TLR9: variants seen among roughly 807,000 people sequenced by gnomAD.
TLR9 encodes toll like receptor 9.
A neutral mutation model predicts 24.6 loss-of-function variants in TLR9; 19 were observed. The ratio of observed to expected loss-of-function variants is 0.77; its 90% CI spans 0.54 to 1.13. The LOEUF is 1.13. TLR9 is among the 50% of genes most tolerant of loss of function. The pLI is 0.00. For synonymous variants in TLR9, 579 were observed against 609.8 expected (o/e 0.95, Z 0.74); for missense variants, 1,065 against 1,379.6 (o/e 0.77, Z 3.61).
rs374354848 is a variant in TLR9, at chr3:52,223,281, G to A, written c.1035C>T (p.Tyr345=). 1.2e-6 allele frequency: 2 copies of A among 1,614,106 alleles called. No individual in the cohort carries two copies. The highest frequency in any genetic ancestry group is 1.7e-6 in the Non-Finnish European group (2 of 1,180,044). The change falls in exon 2 of 2, where the codon TAC becomes TAT. Residue 345 remains tyrosine (Y), a synonymous_variant. Coordinates refer to ENST00000360658, the MANE Select transcript of TLR9 (RefSeq NM_017442.4). The stretch of plus-strand genomic sequence containing the variant: ...GGTGGGCAAAGGACACCCTCTTTTG[G>A]TAATTGAAGGACAGGTTAAGCTTGC... ...QLRKLNLSFN[Y]QKRVSFAHLS...
At position 52,225,585 on chromosome 3, in the gene TLR9, C is replaced by T. The variant is rs1269616541; in HGVS notation, c.-56G>A. The T allele has an allele frequency of 6.4e-7, 1 of 1,572,122 alleles. No homozygotes were observed. Among genetic ancestry groups the T allele is most frequent in the African/African-American group, 1.4e-5 (1 of 71,206 alleles). ...TGGCGGGCAGACTGGACAGCAGCTA[C>T]AGGGAAGGATGCTTCACACTCGAGG... is the stretch of plus-strand genomic sequence containing the variant. On this transcript the variant is annotated 5_prime_UTR_variant, in exon 1 of 2. Transcript: ENST00000360658.
Position 52,222,400 on chromosome 3 carries a change from C to T in TLR9, c.1916G>A (p.Arg639His), listed in dbSNP as rs771867596. ...GGTTTGGGGCAGGAGGGTGTGCAGG[C>T]GGTTCTGGGACAAGTCCAGCCAGAT... The part of the protein sequence containing the change: ...GLIWLDLSQN[R>H]LHTLLPQTLR... Residue 639 changes from arginine (R) to histidine (H), a missense_variant, in exon 2 of 2, where the codon CGC (arginine) becomes CAC (histidine). Physicochemically the swap from Arg to His is conservative, Grantham distance 29. Coordinates refer to ENST00000360658, the MANE Select transcript of TLR9 (RefSeq NM_017442.4). 17 of 1,614,176 alleles carry T rather than the reference C, an allele frequency of 1.1e-5. No individual in the cohort carries two copies. The East Asian group carries it at 1.6e-4, about 15-fold the overall frequency.
Position 52,224,303 on chromosome 3 carries a change from G to C in TLR9, c.13C>G (p.Arg5Gly). 1 of 1,578,898 alleles carries C rather than the reference G, an allele frequency of 6.3e-7. No homozygotes were observed. The highest frequency in any genetic ancestry group is 8.6e-7 in the Non-Finnish European group (1 of 1,162,734). Reference sequence around the variant, plus strand: ...AGAGACAGCGGGTGCAGGGCGCTGCGGCAGAAACCCTGTGGGGGTGGGAGG... The same window carrying C: ...AGAGACAGCGGGTGCAGGGCGCTGCCGCAGAAACCCTGTGGGGGTGGGAGG... Reference protein sequence around the residue: MGFCRSALHPLSLLV... With the variant: MGFCGSALHPLSLLV... Residue 5 changes from arginine (R) to glycine (G), a missense_variant, in exon 2 of 2, where the codon CGC (arginine) becomes GGC (glycine). By Grantham distance (125) the Arg-to-Gly change is moderately radical. Coordinates refer to ENST00000360658, the MANE Select transcript of TLR9 (RefSeq NM_017442.4).
chr3:52,222,129 C>T lies in TLR9; in HGVS notation c.2187G>A (p.Glu729=). The change falls in exon 2 of 2, where the codon GAG becomes GAA. Residue 729 remains glutamate, a synonymous_variant. Transcript: ENST00000360658. ...TGAGGGCGTTGGCGCTAAGGTTGAG[C>T]TCTCGCAGCTCCTTGGCCTTGGAAA... is the stretch of plus-strand genomic sequence containing the variant. The part of the protein sequence containing the change: ...GFFSKAKELR[E]LNLSANALKT... The T allele has an allele frequency of 1.9e-6, 3 of 1,612,264 alleles. No individual in the cohort carries two copies. The highest frequency in any genetic ancestry group is 2.5e-6 in the Non-Finnish European group (3 of 1,179,096).
chr3:52,222,032 G>C lies in TLR9; in HGVS notation c.2284C>G (p.Leu762Val). 2.5e-6 allele frequency: 4 copies of C among 1,612,072 alleles called. No homozygotes were observed. Among genetic ancestry groups the C allele is most frequent in the Non-Finnish European group, 2.5e-6 (3 of 1,179,070 alleles). Residue 762 changes from leucine (L) to valine (V), a missense_variant, in exon 2 of 2, where the codon CTG (leucine) becomes GTG (valine). Leu to Val is a conservative substitution (Grantham distance 32). Transcript: ENST00000360658. ...AAGGCCGCCCCACAGGCGCAGTGCA[G>C]AGGGTTGGCGCTTACATCTAGTATT... ...LQILDVSANP[L>V]HCACGAAFMD...
Position 52,223,587 on chromosome 3 carries a change from C to A in TLR9, c.729G>T (p.Leu243=). ...VKLAPEDLAN[L]TALRVLDVGG... is the part of the protein sequence containing the mutation. ...CCACATCGAGCACACGCAGGGCGGTCAGATTGGCCAGGTCCTCAGGCGCCA... is the reference window on the plus strand; with the variant it reads ...CCACATCGAGCACACGCAGGGCGGTAAGATTGGCCAGGTCCTCAGGCGCCA... The change falls in exon 2 of 2, where the codon CTG becomes CTT. Residue 243 remains leucine, a synonymous_variant. Coordinates refer to ENST00000360658, the MANE Select transcript of TLR9 (RefSeq NM_017442.4). 1.3e-6 allele frequency: 2 copies of A among 1,539,980 alleles called. No homozygotes were observed. Among genetic ancestry groups the A allele is most frequent in the South Asian group, 1.3e-5 (1 of 78,614 alleles).
rs1699552836 is a variant in TLR9, at chr3:52,221,496, CG to C, written c.2819del (p.Thr940ArgfsTer30). ...CGCGCAAGAGACCACTGACCCGGTC[CG>C]TGTGGGCCAGCACAAACAGCGTCTT... The part of the protein sequence containing the change: ...SRKTLFVLAH[T>X]DRVSGLLRAS... On this transcript the variant is annotated frameshift_variant, in exon 2 of 2. Transcript: ENST00000360658. LOFTEE classifies it high-confidence loss of function. This position sits in a 1 kb window ranked among gnomAD's most constrained non-coding sequence, Gnocchi z 9.9. The C allele has an allele frequency of 6.2e-7, 1 of 1,612,840 alleles. No individual in the cohort carries two copies. The highest frequency in any genetic ancestry group is 8.5e-7 in the Non-Finnish European group (1 of 1,179,760).
At position 52,223,797 on chromosome 3, in the gene TLR9, G is replaced by C; in HGVS notation, c.519C>G (p.Phe173Leu). Reference sequence around the variant, plus strand: ...TCTTGTAATAACAGTTGCCGTCCATGAATAGGAAGCGCAGGGCATGCAGGC... The same window carrying C: ...TCTTGTAATAACAGTTGCCGTCCATCAATAGGAAGCGCAGGGCATGCAGGC... The part of the protein sequence containing the change: ...LAGLHALRFL[F>L]MDGNCYYKNP... The change falls in exon 2 of 2, where the codon TTC becomes TTG. Residue 173 changes from phenylalanine to leucine, a missense_variant. Phe to Leu is a conservative substitution (Grantham distance 22). Coordinates refer to ENST00000360658, the MANE Select transcript of TLR9 (RefSeq NM_017442.4). The C allele has an allele frequency of 6.3e-7, 1 of 1,592,364 alleles. No individual in the cohort carries two copies. Among genetic ancestry groups the C allele is most frequent in the Non-Finnish European group, 8.6e-7 (1 of 1,167,840 alleles).
In TLR9 at chr3:52,222,170, C is replaced by T. The variant is rs1479085302; in HGVS notation, c.2146G>A (p.Val716Met). Residue 716 changes from valine to methionine, a missense_variant, in exon 2 of 2, where the codon GTG (valine) becomes ATG (methionine). Physicochemically the swap from Val to Met is conservative, Grantham distance 21. Transcript: ENST00000360658. ...LDVSCNSISF[V>M]APGFFSKAKE... ...GCCTTGGAAAAGAAGCCGGGGGCCA[C>T]GAAGCTGATGCTGTTGCAGCTGACA... 6.2e-6 allele frequency: 10 copies of T among 1,613,864 alleles called. No homozygotes were observed. The highest frequency in any genetic ancestry group is 3.3e-5 in the Admixed American group (2 of 60,006).
At position 52,222,579 on chromosome 3, in the gene TLR9, G is replaced by A; in HGVS notation, c.1737C>T (p.His579=). The change falls in exon 2 of 2, where the codon CAC becomes CAT. Residue 579 remains histidine (H), a synonymous_variant. Coordinates refer to ENST00000360658, the MANE Select transcript of TLR9 (RefSeq NM_017442.4). ...SFVAHLRTLR[H]LSLAHNNIHS... ...GGATGTTGTTGTGGGCCAGGCTGAG[G>A]TGGCGCAGGGTGCGCAGGTGAGCCA... is the stretch of plus-strand genomic sequence containing the variant. 1 of 1,614,166 alleles carries A rather than the reference G, an allele frequency of 6.2e-7. No homozygotes were observed. Among genetic ancestry groups the A allele is most frequent in the Non-Finnish European group, 8.5e-7 (1 of 1,180,038 alleles).
Position 52,222,164 on chromosome 3 carries a change from G to T in TLR9, c.2152C>A (p.Pro718Thr). 1 of 1,613,836 alleles carries T rather than the reference G, an allele frequency of 6.2e-7. No individual in the cohort carries two copies. Among genetic ancestry groups the T allele is most frequent in the Non-Finnish European group, 8.5e-7 (1 of 1,179,908 alleles). The change falls in exon 2 of 2, where the codon CCC becomes ACC. Residue 718 changes from proline (P) to threonine (T), a missense_variant. By Grantham distance (38) the Pro-to-Thr change is conservative (BLOSUM62 -1). Coordinates refer to ENST00000360658, the MANE Select transcript of TLR9 (RefSeq NM_017442.4). ...TCCTTGGCCTTGGAAAAGAAGCCGG[G>T]GGCCACGAAGCTGATGCTGTTGCAG... ...VSCNSISFVA[P>T]GFFSKAKELR... is the part of the protein sequence containing the mutation.
rs760563131 is a variant in TLR9, at chr3:52,223,408, C to G, written c.908G>C (p.Trp303Ser). 5 of 1,612,982 alleles carry G rather than the reference C, an allele frequency of 3.1e-6. No individual in the cohort carries two copies. The highest frequency in any genetic ancestry group is 3.4e-6 in the Non-Finnish European group (4 of 1,179,376). ...DSSLSWLNAS[W>S]FRGLGNLRVL... ...TCGGAGGTTTCCCAGCCCACGGAAC[C>G]AACTGGCATTCAGCCAGGAGAGAGA... The change falls in exon 2 of 2, where the codon TGG becomes TCG. Residue 303 changes from tryptophan to serine, a missense_variant. Transcript: ENST00000360658.
In TLR9 at chr3:52,221,511, A is replaced by C. The variant is rs747584295; in HGVS notation, c.2805T>G (p.Phe935Leu). The C allele has an allele frequency of 6.2e-7, 1 of 1,613,132 alleles. No homozygotes were observed. Among genetic ancestry groups the C allele is most frequent in the Non-Finnish European group, 8.5e-7 (1 of 1,179,840 alleles). ...ASVYGSRKTLFVLAHTDRVSG... is the reference protein window; with the variant it reads ...ASVYGSRKTLLVLAHTDRVSG... Reference sequence around the variant, plus strand: ...TGACCCGGTCCGTGTGGGCCAGCACAAACAGCGTCTTGCGGCTGCCATAGA... The same window carrying C: ...TGACCCGGTCCGTGTGGGCCAGCACCAACAGCGTCTTGCGGCTGCCATAGA... The change falls in exon 2 of 2, where the codon TTT becomes TTG. Residue 935 changes from phenylalanine (F) to leucine (L), a missense_variant. By Grantham distance (22) the Phe-to-Leu change is conservative (BLOSUM62 0). Transcript: ENST00000360658. This position sits in a 1 kb window ranked among gnomAD's most constrained non-coding sequence, Gnocchi z 9.9.
chr3:52,225,344 A>C (rs1206403260), intron 1 of TLR9, among the ~76,000 whole-genome samples, 183 bp downstream of exon 1: 1 of 128,738 alleles, frequency 7.8e-6, no homozygotes, highest in African/African-American at 3.0e-5. Context: ...ACTCCGTCTC[A>C]AAAAAAAAAA....
rs201312874 is a variant in TLR9, at chr3:52,223,285, T to C, written c.1031A>G (p.Asn344Ser). The change falls in exon 2 of 2, where the codon AAT becomes AGT. Residue 344 changes from asparagine (N) to serine (S), a missense_variant. Transcript: ENST00000360658. ...TQLRKLNLSF[N>S]YQKRVSFAHL... The stretch of plus-strand genomic sequence containing the variant: ...GGCAAAGGACACCCTCTTTTGGTAA[T>C]TGAAGGACAGGTTAAGCTTGCGCAG... 5 of 1,614,154 alleles carry C rather than the reference T, an allele frequency of 3.1e-6. No homozygotes were observed. Among genetic ancestry groups the C allele is most frequent in the Non-Finnish European group, 4.2e-6 (5 of 1,180,014 alleles).
At position 52,222,958 on chromosome 3, in the gene TLR9, A is replaced by G; in HGVS notation, c.1358T>C (p.Leu453Pro). 6.3e-7 allele frequency: 1 copy of G among 1,596,808 alleles called. No individual in the cohort carries two copies. Among genetic ancestry groups the G allele is most frequent in the African/African-American group, 1.3e-5 (1 of 74,818 alleles). Residue 453 changes from leucine to proline, a missense_variant, in exon 2 of 2, where the codon CTT (leucine) becomes CCT (proline). Coordinates refer to ENST00000360658, the MANE Select transcript of TLR9 (RefSeq NM_017442.4). The part of the protein sequence containing the change: ...GEKVWLQPGD[L>P]APAPVDTPSS... ...GGGAGTGTCCACTGGGGCCGGAGCA[A>G]GGTCCCCAGGCTGCAGCCAGACCTT...
At position 52,221,376 on chromosome 3, in the gene TLR9, G is replaced by A. The variant is rs445676; in HGVS notation, c.2940C>T (p.Tyr980=). The change falls in exon 2 of 2, where the codon TAC becomes TAT. Residue 980 remains tyrosine (Y), a synonymous_variant. Coordinates refer to ENST00000360658, the MANE Select transcript of TLR9 (RefSeq NM_017442.4). The surrounding 1 kb of genome is among the most constrained non-coding windows in gnomAD (Gnocchi z 9.9). Reference sequence around the variant, plus strand: ...GGCAGAGGCGCTGGCGCAGCCGCACGTAGCGGGAGCGGCGGCCGTCAGGGC... The same window carrying A: ...GGCAGAGGCGCTGGCGCAGCCGCACATAGCGGGAGCGGCGGCCGTCAGGGC... ...ILSPDGRRSR[Y]VRLRQRLCRQ... is the part of the protein sequence containing the mutation. 0.015 allele frequency: 24,296 copies of A among 1,589,090 alleles called. 277 individuals are homozygous for A. Among genetic ancestry groups the A allele is most frequent in the Non-Finnish European group, 0.018 (21,169 of 1,165,254 alleles).
chr3:52,222,684 T>C lies in TLR9; in HGVS notation c.1632A>G (p.Leu544=). ...DLYHEHSFTE[L]PRLEALDLSY... ...TGAGGTCCAGGGCCTCCAGTCGCGG[T>C]AGCTCCGTGAATGAGTGCTCGTGGT... is the stretch of plus-strand genomic sequence containing the variant. The change falls in exon 2 of 2, where the codon CTA becomes CTG. Residue 544 remains leucine (L), a synonymous_variant. Transcript: ENST00000360658. 1 of 1,613,254 alleles carries C rather than the reference T, an allele frequency of 6.2e-7. No individual in the cohort carries two copies. The highest frequency in any genetic ancestry group is 8.5e-7 in the Non-Finnish European group (1 of 1,179,370).
Position 52,223,041 on chromosome 3 carries a change from G to A in TLR9, c.1275C>T (p.Asn425=). The part of the protein sequence containing the change: ...PGLRYVDLSD[N]RISGASELTA... ...TCAGCTCCGAAGCTCCGCTGATGCG[G>A]TTGTCCGACAGGTCCACGTAGCGCA... The change falls in exon 2 of 2, where the codon AAC becomes AAT. Residue 425 remains asparagine (N), a synonymous_variant. Transcript: ENST00000360658. 4 of 1,590,158 alleles carry A rather than the reference G, an allele frequency of 2.5e-6. No individual in the cohort carries two copies. The highest frequency in any genetic ancestry group is 2.6e-6 in the Non-Finnish European group (3 of 1,165,814).
Sources: gnomAD v4.1 joint callset for allele counts (sites outside exome capture counted in the v4.1 genomes callset) on GRCh38, gnomAD v4.1.1 for gene constraint, Gnocchi (gnomAD v3.1) non-coding constraint, MANE v1.5 for transcripts, NCBI Gene and HGNC (gene_info 2026-07-23, HGNC 2026-07-21) for gene names.